Variants in GNG12 observed in about 807,000 individuals in gnomAD.
GNG12 encodes the protein G protein subunit gamma 12.
For missense variants in GNG12, 69 were observed against 83.8 expected, an observed-to-expected ratio of 0.82 and a Z score of 0.69; for synonymous variants, 28 against 29.7, an observed-to-expected ratio of 0.94 and a Z score of 0.19.
At chr1:67,731,460 G>A (rs1409301554) in intron 2 of GNG12, among the ~76,000 whole-genome samples, 4 of 152,202 alleles carry the variant, frequency 2.6e-5, no homozygotes, top group African/African-American at 9.6e-5. Flanking sequence ...TTTGGCTGGG[G>A]GAAACTCCAG....
chr1:67,748,472 T>C (rs1201376149), intron 2 of GNG12, among the ~76,000 whole-genome samples: 1 of 152,204 alleles, frequency 6.6e-6, no homozygotes, highest in Non-Finnish European at 1.5e-5. Flanking sequence ...ATATGAGTTC[T>C]TTAAAAGAAG....
At chr1:67,796,901 G>A (rs1310126468) in intron 1 of GNG12, among the ~76,000 whole-genome samples, 2 of 152,210 alleles carry the variant, frequency 1.3e-5, no homozygotes, top group Admixed American at 6.5e-5. Context: ...CACTCATGGT[G>A]AAAGGCAAAG....
At chr1:67,736,263 A>G (rs1049496416) in intron 2 of GNG12, among the ~76,000 whole-genome samples, 2 of 152,048 alleles carry the variant, frequency 1.3e-5, no homozygotes, top group African/African-American at 4.8e-5. Context: ...GTGCCTGCCA[A>G]GCGTGAGAGT....
At chr1:67,796,072 A>T (rs1646829871) in intron 1 of GNG12, among the ~76,000 whole-genome samples, 1 of 152,232 alleles carries the variant, frequency 6.6e-6, no homozygotes, top group Non-Finnish European at 1.5e-5. Flanking sequence ...GCAGGCTCAC[A>T]ATTTAACATG....
intron 1 of GNG12, among the ~76,000 whole-genome samples, chr1:67,812,611 C>T (rs558220267): frequency 7.5e-4 from 114 of 152,258 alleles, no homozygotes; most frequent in African/African-American, 2.7e-3. Flanking sequence ...AGCAGCTGCA[C>T]AGGAGCCATT....
At chr1:67,775,961 A>C (rs923331511) in intron 2 of GNG12, among the ~76,000 whole-genome samples, 3 of 152,218 alleles carry the variant, frequency 2.0e-5, no homozygotes, top group African/African-American at 7.2e-5. Flanking sequence ...GACTTGAACA[A>C]GAGAGAATGG....
chr1:67,768,084 A>G (rs1313451038), intron 2 of GNG12, among the ~76,000 whole-genome samples: 1 of 152,236 alleles, frequency 6.6e-6, no homozygotes, highest in Non-Finnish European at 1.5e-5. Context: ...GTCTTCTGCA[A>G]ATTCTTATTT....
At chr1:67,810,143 T>C (rs1311969844) in intron 1 of GNG12, among the ~76,000 whole-genome samples, 1 of 152,194 alleles carries the variant, frequency 6.6e-6, no homozygotes, top group Non-Finnish European at 1.5e-5. Flanking sequence ...AAATGCGTAT[T>C]ACTAAGTGAA....
At chr1:67,786,024 A>G (rs1299074968) in intron 1 of GNG12, among the ~76,000 whole-genome samples, 1 of 152,194 alleles carries the variant, frequency 6.6e-6, no homozygotes, top group Non-Finnish European at 1.5e-5. Context: ...GTTTCCTAAT[A>G]CTAGGAAAAT....
intron 1 of GNG12, among the ~76,000 whole-genome samples, chr1:67,785,598 T>C (rs1646763311): frequency 6.6e-6 from 1 of 152,192 alleles, no homozygotes; most frequent in Non-Finnish European, 1.5e-5. Flanking sequence ...TTCGATGTTT[T>C]ACAGAGATAT....
chr1:67,735,246 C>A (rs1646446572), intron 2 of GNG12, among the ~76,000 whole-genome samples: 2 of 152,200 alleles, frequency 1.3e-5, no homozygotes, highest in African/African-American at 4.8e-5. Flanking sequence ...GATAAGCAGA[C>A]TTCTTTCACG....
intron 1 of GNG12, among the ~76,000 whole-genome samples, chr1:67,798,619 G>C (rs763445078): frequency 4.6e-5 from 7 of 151,822 alleles, no homozygotes; most frequent in Non-Finnish European, 7.4e-5. Flanking sequence ...GTGTGAATAT[G>C]ATGAGGAGGA....
intron 2 of GNG12, among the ~76,000 whole-genome samples, chr1:67,743,389 T>C (rs952666066): frequency 2.0e-5 from 3 of 152,196 alleles, no homozygotes; most frequent in Non-Finnish European, 4.4e-5. Context: ...ACATCTTTGG[T>C]AACAATAAAA....
intron 2 of GNG12, among the ~76,000 whole-genome samples, chr1:67,771,697 C>T (rs111888002): frequency 1.4e-4 from 21 of 152,240 alleles, no homozygotes; most frequent in African/African-American, 4.6e-4. Context: ...CAGACACAGG[C>T]GACAGGAAAA....
chr1:67,723,154 G>GT, intron 2 of GNG12, among the ~76,000 whole-genome samples: 2 of 152,330 alleles, frequency 1.3e-5, no homozygotes, highest in East Asian at 3.9e-4. Context: ...CTGTGAAAAT[G>GT]TAAGAATGAA....
chr1:67,714,773 C>T (rs1489513839), intron 2 of GNG12, among the ~76,000 whole-genome samples: 5 of 152,146 alleles, frequency 3.3e-5, no homozygotes, highest in Non-Finnish European at 5.9e-5. Context: ...TGACTGTACT[C>T]GGAGACAGGG....
intron 1 of GNG12, among the ~76,000 whole-genome samples, chr1:67,789,502 C>T (rs932960608): frequency 6.6e-5 from 10 of 152,140 alleles, no homozygotes; most frequent in African/African-American, 1.4e-4. Context: ...CTAAAAGTTC[C>T]GGTTTTATTG....
At chr1:67,766,457 A>C (rs1018316596) in intron 2 of GNG12, among the ~76,000 whole-genome samples, 1 of 152,188 alleles carries the variant, frequency 6.6e-6, no homozygotes, top group Non-Finnish European at 1.5e-5. Context: ...CCTTCGGCAC[A>C]GTAAGAGGGA....
chr1:67,795,548 G>A lies in GNG12; in HGVS notation c.-76-18041C>T, dbSNP rs144888539. 3.0e-4 allele frequency among the ~76,000 whole-genome samples: 46 copies of A among 152,294 alleles called. No individual in the cohort carries two copies. The East Asian group carries it at 5.8e-3, about 19-fold the overall frequency. ...GATGCTGTCTCAGGAAATCCTGAAT[G>A]CCAGTTCTCAGGACTCTTAATTTAA... On this transcript the variant is annotated intron_variant, in intron 1 of 3. Transcript: ENST00000370982.
Sources: allele counts gnomAD v4.1 joint callset (sites outside exome capture counted in the v4.1 genomes callset), GRCh38; gene constraint gnomAD v4.1.1; transcripts MANE v1.5; gene names NCBI Gene and HGNC (gene_info 2026-07-23, HGNC 2026-07-21).